Variants in U2SURP observed in about 807,000 individuals in gnomAD.
The protein encoded by U2SURP is U2 snRNP-associated SURP motif-containing protein.
Under a neutral mutation model 144.9 loss-of-function variants are expected in U2SURP, and 9 were observed. The ratio of observed to expected loss-of-function variants is 0.06; its 90% CI spans 0.04 to 0.11. The LOEUF (loss-of-function observed/expected upper bound fraction) is 0.11, where lower values mean the gene tolerates loss of function less well. U2SURP is among the 10% of genes least tolerant of loss of function. The pLI is 1.00. For synonymous variants in U2SURP, 408 were observed against 396.8 expected (o/e 1.03, Z -0.33); for missense variants, 724 against 1,226.7 (o/e 0.59, Z 6.12).
At chr3:143,038,250 T>G in intron 22 of U2SURP, 47 bp downstream of exon 22, 1 of 1,372,118 alleles carries the variant, frequency 7.3e-7, no homozygotes, top group Non-Finnish European at 9.9e-7. Context: ...TACTTGTACG[T>G]TAATTATTGG....
At chr3:143,055,593 G>GGAAAT (rs1935111789) in intron 27 of U2SURP, among the ~76,000 whole-genome samples, 1 of 152,002 alleles carries the variant, frequency 6.6e-6, no homozygotes, top group Non-Finnish European at 1.5e-5. Flanking sequence ...CCAGAAAAAT[G>GGAAAT]GTTCAGAAAT....
chr3:143,014,855 A>G (rs1230934143), intron 4 of U2SURP, among the ~76,000 whole-genome samples: 2 of 152,014 alleles, frequency 1.3e-5, no homozygotes, highest in Non-Finnish European at 2.9e-5. Context: ...CTAAAATTCT[A>G]TCGAGGGCAT....
At chr3:143,043,734 T>C (rs1477982089) in intron 24 of U2SURP, among the ~76,000 whole-genome samples, 2 of 151,352 alleles carry the variant, frequency 1.3e-5, no homozygotes, top group Non-Finnish European at 2.9e-5. Context: ...TATATATATA[T>C]ATGTAATACA....
Position 143,020,668 on chromosome 3 carries a change from A to G in U2SURP, c.708A>G (p.Ser236=), listed in dbSNP as rs1936584820. Residue 236 remains serine, a synonymous_variant, in exon 8 of 28, where the codon TCA becomes TCG. Transcript: ENST00000473835. ...GRLSRFEPPQ[S]DSDGQRRSMD... ...TAAGTCGATTTGAACCTCCTCAGTC[A>G]GATTCTGATGGTCAGCGTCGTTCTA... 3 of 1,613,128 alleles carry G rather than the reference A, an allele frequency of 1.9e-6. No homozygotes were observed. Among genetic ancestry groups the G allele is most frequent in the Non-Finnish European group, 2.5e-6 (3 of 1,179,554 alleles).
At chr3:143,043,641 T>C (rs1434002293) in intron 24 of U2SURP, among the ~76,000 whole-genome samples, 1 of 152,142 alleles carries the variant, frequency 6.6e-6, no homozygotes, top group Non-Finnish European at 1.5e-5. Flanking sequence ...GTCTGTTTTC[T>C]CTTTATCATT....
chr3:143,043,926 A>AT lies in U2SURP; in HGVS notation c.2544+658dup, dbSNP rs144876885. Among the ~76,000 whole-genome samples, 324 of 150,424 alleles carry AT rather than the reference A, an allele frequency of 2.2e-3. 3 individuals are homozygous for AT. Among genetic ancestry groups the AT allele is most frequent in the African/African-American group, 7.4e-3 (301 of 40,868 alleles). The stretch of plus-strand genomic sequence containing the variant: ...CACCATGCCCGGCTCATTTTTTTGT[A>AT]TTTTTTTTAGAAGAGACAGGGATTG... On this transcript the variant is annotated intron_variant, in intron 24 of 27. Transcript: ENST00000473835.
intron 6 of U2SURP, among the ~76,000 whole-genome samples, chr3:143,018,885 A>G (rs1171132786): frequency 6.6e-6 from 1 of 152,180 alleles, no homozygotes; most frequent in African/African-American, 2.4e-5. Context: ...AGATCACAGC[A>G]TTGCACTCCA....
At chr3:143,011,806 C>G in intron 2 of U2SURP, 1 of 333,634 alleles carries the variant, frequency 3.0e-6, no homozygotes. Context: ...ATAAGAAGTA[C>G]GTATAACACT....
chr3:143,002,356 A>G (rs2108261670), intron 1 of U2SURP: 1 of 152,446 alleles, frequency 6.6e-6, no homozygotes, highest in Admixed American at 6.5e-5. Context: ...GAAGCTCCGT[A>G]GACTTGTAAG....
intron 18 of U2SURP, chr3:143,034,687 T>G: frequency 2.1e-6 from 1 of 468,160 alleles, no homozygotes; most frequent in Non-Finnish European, 3.8e-6. Flanking sequence ...GTTGGGGAGT[T>G]TGTAGGAGAA....
Position 143,028,399 on chromosome 3 carries a change from T to C in U2SURP, c.1439T>C (p.Ile480Thr). 6.2e-7 allele frequency: 1 copy of C among 1,613,154 alleles called. No individual in the cohort carries two copies. Among genetic ancestry groups the C allele is most frequent in the Non-Finnish European group, 8.5e-7 (1 of 1,179,508 alleles). ...HVYYRWKLYS[I>T]LQGDSPTKWR... ...TACTATAGGTGGAAGCTTTATTCTA[T>C]TCTGCAGGCAAGTAGAATCAATTAC... Residue 480 changes from isoleucine (I) to threonine (T), a missense_variant, in exon 15 of 28, where the codon ATT becomes ACT. Physicochemically the swap from Ile to Thr is moderately conservative, Grantham distance 89. Transcript: ENST00000473835.
chr3:143,012,491 T>C, intron 3 of U2SURP, 138 bp downstream of exon 3: 1 of 811,898 alleles, frequency 1.2e-6, no homozygotes, highest in Non-Finnish European at 1.7e-6. Context: ...ATTCTTTTTG[T>C]ATTTGGGATA....
At chr3:143,009,591 C>CT (rs1350472981) in intron 1 of U2SURP, among the ~76,000 whole-genome samples, 10 of 150,856 alleles carry the variant, frequency 6.6e-5, no homozygotes, top group African/African-American at 2.4e-4. Context: ...GAGTAAGACT[C>CT]TGTCTCAAGA....
chr3:143,044,798 G>A (rs988214833), intron 24 of U2SURP, among the ~76,000 whole-genome samples: 2 of 152,124 alleles, frequency 1.3e-5, no homozygotes, highest in Non-Finnish European at 2.9e-5. Context: ...TCACTGTTGG[G>A]CTGATAAAAG....
chr3:143,015,805 A>G (rs370834919), intron 4 of U2SURP, among the ~76,000 whole-genome samples: 1 of 152,182 alleles, frequency 6.6e-6, no homozygotes, highest in African/African-American at 2.4e-5. Context: ...TTATATCAAG[A>G]TTCTTCTGAG....
rs137911198 is a variant in U2SURP at position 143,038,851 on chromosome 3, A to G, written c.2318-43A>G. 43 of 1,437,172 alleles carry G rather than the reference A, an allele frequency of 3.0e-5. No individual in the cohort carries two copies. In the African/African-American group the frequency reaches 4.8e-4, roughly 16 times the overall value. 89.0% of individuals were successfully genotyped at this position (1,437,172 alleles called of 1,614,324 possible). ...TCCACTGTACTACTGAAAAAATGCT[A>G]GTTTACCTCGTGGAATTACATCCTC... On this transcript the variant is annotated intron_variant, in intron 22 of 27. Transcript: ENST00000473835.
rs56916268 is a variant in U2SURP at position 143,044,289 on chromosome 3, C to CTTTTTTTTTTTTTTTTTTT, written c.2544+1030_2544+1031insTTTTTTTTTTTTTTTTTTT. The stretch of plus-strand genomic sequence containing the variant: ...TTTCCCTTTTCCCCTCTCCCCTCTC[C>CTTTTTTTTTTTTTTTTTTT]TTTTTTTTTTTTTTTTTGAGACGGG... On this transcript the variant is annotated intron_variant, in intron 24 of 27. Coordinates refer to ENST00000473835, the MANE Select transcript of U2SURP (RefSeq NM_001080415.2). 6.6e-4 allele frequency among the ~76,000 whole-genome samples: 54 copies of CTTTTTTTTTTTTTTTTTTT among 81,372 alleles called. 6 individuals carry two copies. Among genetic ancestry groups the CTTTTTTTTTTTTTTTTTTT allele is most frequent in the African/African-American group, 2.6e-3 (45 of 17,290 alleles). 53.4% of individuals were successfully genotyped at this position (81,372 alleles called of 152,430 possible).
intron 1 of U2SURP, among the ~76,000 whole-genome samples, chr3:143,004,831 A>C (rs1452386911): frequency 6.6e-6 from 1 of 151,990 alleles, no homozygotes; most frequent in African/African-American, 2.4e-5. Flanking sequence ...TTTCCTGTGC[A>C]TTTGTTTGTT....
chr3:143,033,101 T>TTC (rs1173409278), intron 17 of U2SURP, among the ~76,000 whole-genome samples, 155 bp downstream of exon 17: 2 of 152,200 alleles, frequency 1.3e-5, no homozygotes, highest in African/African-American at 4.8e-5. Context: ...AACATACAAG[T>TTC]TAACAAACAA....
Sources: gnomAD v4.1 joint callset for allele counts (sites outside exome capture counted in the v4.1 genomes callset) on GRCh38, gnomAD v4.1.1 for gene constraint, MANE v1.5 for transcripts, NCBI Gene and HGNC (gene_info 2026-07-23, HGNC 2026-07-21) for gene names.